The following STX7 variants were observed in gnomAD, a reference collection of about 807,000 sequenced individuals.
STX7 encodes the protein syntaxin 7.
STX7 carries 34 observed loss-of-function variants against 39.6 expected under a neutral mutation model. That is an observed-to-expected ratio of 0.86 (90% CI 0.65 to 1.14). The LOEUF (loss-of-function observed/expected upper bound fraction) is 1.14. Among genes scored for constraint, STX7 ranks in the 50% most tolerant of loss-of-function variants. The pLI, the probability that STX7 is intolerant of heterozygous loss-of-function variation, is 0.00. For synonymous variants in STX7, 119 were observed against 99.1 expected (o/e 1.20, Z -1.19); for missense variants, 284 against 310.4 (o/e 0.92, Z 0.64).
intron 2 of STX7, among the ~76,000 whole-genome samples, chr6:132,493,256 T>G (rs1232616895): frequency 6.6e-6 from 1 of 152,226 alleles, no homozygotes; most frequent in African/African-American, 2.4e-5. Flanking sequence ...AGTTTTTTCC[T>G]AAGCAACTAA....
intron 1 of STX7, among the ~76,000 whole-genome samples, chr6:132,506,800 G>T (rs1176891892): frequency 6.9e-6 from 1 of 144,628 alleles, no homozygotes; most frequent in Non-Finnish European, 1.5e-5. Flanking sequence ...CTACCCAAAA[G>T]AAAAAAAAAA....
Position 132,459,673 on chromosome 6 carries a change from T to C in STX7, c.*1085A>G, listed in dbSNP as rs1185131289. ...ATAAAATACAAAGTATAAACTAAGA[T>C]AATCCTCTTTACAGAATTCAGATTA... On this transcript the variant is annotated 3_prime_UTR_variant, in exon 10 of 10. Transcript: ENST00000367941. 1 of 152,220 alleles carries C rather than the reference T, an allele frequency of 6.6e-6. No homozygotes were observed. Among genetic ancestry groups the C allele is most frequent in the African/African-American group, 2.4e-5 (1 of 41,462 alleles). The allele number at this position is 152,220 out of a possible 1,614,324, so 9.4% of individuals were successfully genotyped here. A position where few individuals can be genotyped will look rare whatever the true frequency, so the allele number is the denominator to read the frequency against.
chr6:132,481,270 T>C (rs1775009578), intron 2 of STX7, among the ~76,000 whole-genome samples: 1 of 152,112 alleles, frequency 6.6e-6, no homozygotes, highest in Admixed American at 6.5e-5. Context: ...ACTATTAGAT[T>C]GGGATCTTTT....
chr6:132,491,185 C>T (rs780468901), intron 2 of STX7, among the ~76,000 whole-genome samples: 2 of 151,714 alleles, frequency 1.3e-5, no homozygotes, highest in Non-Finnish European at 2.9e-5. Flanking sequence ...AACAGTAAAA[C>T]TCCCTAAAAG....
At chr6:132,488,629 T>G (rs1775199844) in intron 2 of STX7, among the ~76,000 whole-genome samples, 1 of 152,204 alleles carries the variant, frequency 6.6e-6, no homozygotes, top group Admixed American at 6.5e-5. Context: ...TGAACCATAC[T>G]TGAGTGCTAA....
intron 2 of STX7, among the ~76,000 whole-genome samples, chr6:132,498,113 T>G (rs946456177): frequency 3.9e-5 from 6 of 152,230 alleles, no homozygotes; most frequent in Non-Finnish European, 5.9e-5. Context: ...TTGTTGACTG[T>G]TACGGAGTCA....
At chr6:132,468,254 G>T in intron 8 of STX7, 149 bp downstream of exon 8, 2 of 649,132 alleles carry the variant, frequency 3.1e-6, no homozygotes, top group South Asian at 1.8e-5. Context: ...TGCCAAGGGT[G>T]ATGCTTACTG....
At position 132,451,980 on chromosome 6, in the gene STX7, C is replaced by CA. The variant is rs1774144615; in HGVS notation, c.*8777dup. On this transcript the variant is annotated 3_prime_UTR_variant, in exon 10 of 10. Transcript: ENST00000367941. ...CCAGTATGTCGCATTAAAACAGATG[C>CA]AAAAATCCTTAACAAAATATTAGCC... 1.3e-5 allele frequency: 2 copies of CA among 152,040 alleles called. No individual in the cohort carries two copies. Among genetic ancestry groups the CA allele is most frequent in the African/African-American group, 4.8e-5 (2 of 41,430 alleles). 9.4% of individuals were successfully genotyped at this position (152,040 alleles called of 1,614,324 possible).
At chr6:132,473,175 A>G (rs1244470223) in intron 3 of STX7, among the ~76,000 whole-genome samples, 1 of 152,200 alleles carries the variant, frequency 6.6e-6, no homozygotes, top group African/African-American at 2.4e-5. Context: ...ATAAAAATAA[A>G]AAGGAAAGAG....
intron 6 of STX7, 108 bp downstream of exon 6, chr6:132,470,466 G>A: frequency 1.4e-6 from 1 of 717,216 alleles, no homozygotes; most frequent in Non-Finnish European, 2.1e-6. Context: ...AACAACTTAG[G>A]ATATTTATGA....
In STX7 at chr6:132,511,383, G is replaced by A. The variant is rs868024419; in HGVS notation, c.-59+1624C>T. Among the ~76,000 whole-genome samples, 19 of 152,290 alleles carry A rather than the reference G, an allele frequency of 1.2e-4. 1 individual carries two copies. Among genetic ancestry groups the A allele is most frequent in the Middle Eastern group, 6.8e-3 (2 of 294 alleles). ...CAGCAAGGCCTCATCACATGCTAGAGAAACCTTTGTGACCACTCTGATATG... is the reference window on the plus strand; with the variant it reads ...CAGCAAGGCCTCATCACATGCTAGAAAAACCTTTGTGACCACTCTGATATG... On this transcript the variant is annotated intron_variant, in intron 1 of 9. Coordinates refer to ENST00000367941, the MANE Select transcript of STX7 (RefSeq NM_003569.3).
chr6:132,455,962 G>A lies in STX7; in HGVS notation c.*4796C>T, dbSNP rs573843435. The A allele has an allele frequency of 1.3e-5, 2 of 152,260 alleles. No homozygotes were observed. The highest frequency in any genetic ancestry group is 4.8e-5 in the African/African-American group (2 of 41,562). 9.4% of individuals were successfully genotyped at this position (152,260 alleles called of 1,614,324 possible). On this transcript the variant is annotated 3_prime_UTR_variant, in exon 10 of 10. Coordinates refer to ENST00000367941, the MANE Select transcript of STX7 (RefSeq NM_003569.3). The stretch of plus-strand genomic sequence containing the variant: ...TTTCTTTATATGGAGCATACTTACT[G>A]TTTTTGCTTTGAGTGCATTCTGATG...
rs1309887513 is a variant in STX7 at position 132,452,822 on chromosome 6, A to G, written c.*7936T>C. 1 of 152,180 alleles carries G rather than the reference A, an allele frequency of 6.6e-6. No homozygotes were observed. The highest frequency in any genetic ancestry group is 1.5e-5 in the Non-Finnish European group (1 of 67,998). 9.4% of individuals were successfully genotyped at this position (152,180 alleles called of 1,614,324 possible). A position where few individuals can be genotyped will look rare whatever the true frequency, so the allele number is the denominator to read the frequency against. On this transcript the variant is annotated 3_prime_UTR_variant, in exon 10 of 10. Coordinates refer to ENST00000367941, the MANE Select transcript of STX7 (RefSeq NM_003569.3). ...AATCTCCCCAAATTGATGTATAGGT[A>G]TAACATAGTTCCTGTCAAAATCCCA...
chr6:132,503,720 T>A, intron 1 of STX7, 132 bp from the exon 2 acceptor site: 2 of 402,198 alleles, frequency 5.0e-6, no homozygotes, highest in South Asian at 4.2e-5. Context: ...AAGTGACACA[T>A]CAAATAGCAA....
intron 2 of STX7, among the ~76,000 whole-genome samples, chr6:132,486,903 G>A (rs989035241): frequency 1.3e-5 from 2 of 152,132 alleles, no homozygotes; most frequent in Non-Finnish European, 2.9e-5. Flanking sequence ...CCGACATCAG[G>A]TGATTCGCCA....
Position 132,458,085 on chromosome 6 carries a change from G to C in STX7, c.*2673C>G, listed in dbSNP as rs1003997755. ...TTAAAGGCACTTATTTATCATTGTA[G>C]GTGTGTCTAAACAATTGATATTCAA... On this transcript the variant is annotated 3_prime_UTR_variant, in exon 10 of 10. Coordinates refer to ENST00000367941, the MANE Select transcript of STX7 (RefSeq NM_003569.3). The C allele has an allele frequency of 6.6e-6, 1 of 152,178 alleles. No homozygotes were observed. Among genetic ancestry groups the C allele is most frequent in the Non-Finnish European group, 1.5e-5 (1 of 68,044 alleles). The allele number at this position is 152,178 out of a possible 1,614,324, so 9.4% of individuals were successfully genotyped here. A position where few individuals can be genotyped will look rare whatever the true frequency, so the allele number is the denominator to read the frequency against.
chr6:132,481,950 C>T (rs1398207110), intron 2 of STX7, among the ~76,000 whole-genome samples: 3 of 151,580 alleles, frequency 2.0e-5, no homozygotes, highest in African/African-American at 7.3e-5. Flanking sequence ...CATACTCAGA[C>T]CTACACTGAA....
chr6:132,452,144 G>A lies in STX7; in HGVS notation c.*8614C>T, dbSNP rs1312425721. On this transcript the variant is annotated 3_prime_UTR_variant, in exon 10 of 10. Coordinates refer to ENST00000367941, the MANE Select transcript of STX7 (RefSeq NM_003569.3). ...GGCTAAAGAAGAAAAATGGCATTATGTAAATTAAGGCAGAAAAAGCATTTG... is the reference window on the plus strand; with the variant it reads ...GGCTAAAGAAGAAAAATGGCATTATATAAATTAAGGCAGAAAAAGCATTTG... 6.6e-6 allele frequency: 1 copy of A among 152,050 alleles called. No individual in the cohort carries two copies. Among genetic ancestry groups the A allele is most frequent in the Admixed American group, 6.6e-5 (1 of 15,262 alleles). The allele number at this position is 152,050 out of a possible 1,614,324, so 9.4% of individuals were successfully genotyped here.
At chr6:132,508,802 G>A (rs77368883) in intron 1 of STX7, among the ~76,000 whole-genome samples, 2 of 152,160 alleles carry the variant, frequency 1.3e-5, no homozygotes, top group East Asian at 3.8e-4. Flanking sequence ...TTGAGCCACT[G>A]TATCTAGCCA....
Sources: gnomAD v4.1 joint callset for allele counts (sites outside exome capture counted in the v4.1 genomes callset) on GRCh38, gnomAD v4.1.1 for gene constraint, MANE v1.5 for transcripts, NCBI Gene and HGNC (gene_info 2026-07-23, HGNC 2026-07-21) for gene names.